The following CYP17A1 variants were observed in gnomAD, a reference collection of about 807,000 sequenced individuals.
CYP17A1 encodes cytochrome P450 family 17 subfamily A member 1.
Under a neutral mutation model 38.5 loss-of-function variants are expected in CYP17A1, and 27 were observed. The ratio of observed to expected loss-of-function variants is 0.70; its 90% CI spans 0.52 to 0.97. The LOEUF (loss-of-function observed/expected upper bound fraction) is 0.97, where lower values mean the gene tolerates loss of function less well. Among genes scored for constraint, CYP17A1 ranks in the 50% least tolerant of loss-of-function variants. CYP17A1 has a pLI of 0.00. For synonymous variants in CYP17A1, 263 were observed against 253.3 expected (o/e 1.04, Z -0.36); for missense variants, 549 against 645.9 (o/e 0.85, Z 1.63).
chr10:102,830,894 C>T lies in CYP17A1; in HGVS notation c.1335G>A (p.Glu445=). 6.3e-7 allele frequency: 1 copy of T among 1,581,530 alleles called. No individual in the cohort carries two copies. Among genetic ancestry groups the T allele is most frequent in the African/African-American group, 1.3e-5 (1 of 74,314 alleles). ...GGAAGAGCTCCTGGCGGGCCAGGATCTCACCTATACAGGAGCGAGGTCCTG... is the reference window on the plus strand; with the variant it reads ...GGAAGAGCTCCTGGCGGGCCAGGATTTCACCTATACAGGAGCGAGGTCCTG... ...FGAGPRSCIG[E]ILARQELFLI... The change falls in exon 8 of 8, where the codon GAG becomes GAA. Residue 445 remains glutamate (E), a synonymous_variant. Coordinates refer to ENST00000369887, the MANE Select transcript of CYP17A1 (RefSeq NM_000102.4). The surrounding 1 kb of genome is among the most constrained non-coding windows in gnomAD (Gnocchi z 4.1).
At chr10:102,834,288 TATCA>T (rs1259374470) in intron 3 of CYP17A1, 166 bp from the exon 4 acceptor site, 4 of 651,758 alleles carry the variant, frequency 6.1e-6, no homozygotes, top group Non-Finnish European at 1.1e-5. Context: ...AGAACGGGTT[TATCA>T]TGACGACGAA....
chr10:102,830,541 A>G lies in CYP17A1; in HGVS notation c.*161T>C. 1.6e-6 allele frequency: 1 copy of G among 606,956 alleles called. No individual in the cohort carries two copies. The highest frequency in any genetic ancestry group is 2.9e-6 in the Non-Finnish European group (1 of 341,126). 37.6% of individuals were successfully genotyped at this position (606,956 alleles called of 1,614,324 possible). A position where few individuals can be genotyped will look rare whatever the true frequency, so the allele number is the denominator to read the frequency against. On this transcript the variant is annotated 3_prime_UTR_variant, in exon 8 of 8. Coordinates refer to ENST00000369887, the MANE Select transcript of CYP17A1 (RefSeq NM_000102.4). The surrounding 1 kb of genome is among the most constrained non-coding windows in gnomAD (Gnocchi z 4.1). ...AACTACTCAGGGACCTTATGGAAAA[A>G]AAAAAACTGTTTATGCACATCACTG...
At chr10:102,833,377 T>C (rs1275736075) in intron 4 of CYP17A1, 169 bp from the exon 5 acceptor site, 3 of 1,363,968 alleles carry the variant, frequency 2.2e-6, no homozygotes, top group Non-Finnish European at 9.9e-7. Context: ...CCCCGGGCCC[T>C]CTTTAAATTT....
intron 4 of CYP17A1, chr10:102,833,673 C>T: frequency 3.5e-6 from 1 of 286,874 alleles, no homozygotes; most frequent in South Asian, 3.8e-5. Flanking sequence ...TCAGGCTGGT[C>T]TCGAACTCCC....
intron 6 of CYP17A1, 101 bp downstream of exon 6, chr10:102,832,410 T>C (rs1844102557): frequency 3.7e-6 from 3 of 807,272 alleles, no homozygotes; most frequent in Non-Finnish European, 4.4e-6. Context: ...TGACTGACTT[T>C]AGGTTGGCCA....
At chr10:102,835,213 T>C (rs1315458451) in intron 2 of CYP17A1, 41 bp downstream of exon 2, 1 of 1,579,928 alleles carries the variant, frequency 6.3e-7, no homozygotes, top group Non-Finnish European at 8.7e-7. Context: ...GCAGCTCCTG[T>C]GGGATCCAGC....
chr10:102,835,640 G>A lies in CYP17A1; in HGVS notation c.298-248C>T, dbSNP rs201386446. On this transcript the variant is annotated intron_variant, in intron 1 of 7. Transcript: ENST00000369887. The stretch of plus-strand genomic sequence containing the variant: ...AGGAGAAAGAAAGAACCCTTAATTA[G>A]AATGCAGCAGCATTGGGGTTCTTTT... The A allele has an allele frequency of 2.0e-5, 11 of 540,856 alleles. No homozygotes were observed. In the East Asian group the frequency reaches 3.6e-4, roughly 18 times the overall value. The allele number at this position is 540,856 out of a possible 1,614,324, so 33.5% of individuals were successfully genotyped here.
In CYP17A1 at chr10:102,835,071, T is replaced by C. The variant is rs45583734; in HGVS notation, c.437-57A>G. On this transcript the variant is annotated intron_variant, in intron 2 of 7. Transcript: ENST00000369887. ...TGAATCAGCACCCTTACCCCCTCTC[T>C]GTACCAGTTGCCTCTTAACAGGAGC... The C allele has an allele frequency of 9.7e-4, 1,161 of 1,194,462 alleles. 6 individuals are homozygous for C. The African/African-American group carries it at 0.014, about 15-fold the overall frequency. The allele number at this position is 1,194,462 out of a possible 1,614,324, so 74.0% of individuals were successfully genotyped here. A position where few individuals can be genotyped will look rare whatever the true frequency, so the allele number is the denominator to read the frequency against.
At position 102,833,343 on chromosome 10, in the gene CYP17A1, C is replaced by T. The variant is rs552612370; in HGVS notation, c.754-135G>A. On this transcript the variant is annotated intron_variant, in intron 4 of 7. Coordinates refer to ENST00000369887, the MANE Select transcript of CYP17A1 (RefSeq NM_000102.4). ...GTAGAGCAAGTCTGGGCAGGACCTA[C>T]GAACTTGTGGAGGTAGGAGGCAGCC... 38 of 1,544,108 alleles carry T rather than the reference C, an allele frequency of 2.5e-5. No homozygotes were observed. The East Asian group carries it at 5.9e-4, about 24-fold the overall frequency.
At chr10:102,836,807 G>A in intron 1 of CYP17A1, 1 of 539,176 alleles carries the variant, frequency 1.9e-6, no homozygotes, top group Non-Finnish European at 3.3e-6. Context: ...AGGATTCCTT[G>A]ACCCCTCAGA....
At chr10:102,833,402 G>A (rs991987503) in intron 4 of CYP17A1, 194 bp from the exon 5 acceptor site, 2 of 1,024,692 alleles carry the variant, frequency 2.0e-6, no homozygotes, top group South Asian at 1.6e-5. Flanking sequence ...GAGAGGTTAG[G>A]TCTCTTCTAG....
In CYP17A1 at chr10:102,835,347, C is replaced by T. The variant is rs1278456429; in HGVS notation, c.343G>A (p.Ala115Thr). 10 of 1,612,114 alleles carry T rather than the reference C, an allele frequency of 6.2e-6. No individual in the cohort carries two copies. The East Asian group carries it at 6.7e-5, about 11-fold the overall frequency. ...AGCTGCCAGTGTGCGCCAGAGTCAG[C>T]GAAGGCGATACCCTTACGGTTGTTG... Reference protein sequence around the residue: ...ASNNRKGIAFADSGAHWQLHR... With the variant: ...ASNNRKGIAFTDSGAHWQLHR... Residue 115 changes from alanine to threonine, a missense_variant, in exon 2 of 8, where the codon GCT becomes ACT. This residue lies in a region of CYP17A1 where 289 missense variants were observed against 320.9 expected (regional missense o/e 0.90). Coordinates refer to ENST00000369887, the MANE Select transcript of CYP17A1 (RefSeq NM_000102.4).
At chr10:102,835,061 A>G (rs1253624187) in intron 2 of CYP17A1, 47 bp from the exon 3 acceptor site, 2 of 1,255,706 alleles carry the variant, frequency 1.6e-6, no homozygotes, top group Non-Finnish European at 2.3e-6. Context: ...CAGCACCCTT[A>G]CCCCCTCTCT....
At position 102,836,804 on chromosome 10, in the gene CYP17A1, C is replaced by A. The variant is rs2134085241; in HGVS notation, c.297+261G>T. ...AGAGAGAGGAGTGGAGTGAGGATTC[C>A]TTGACCCCTCAGACCACTGTGGTCC... On this transcript the variant is annotated intron_variant, in intron 1 of 7. Transcript: ENST00000369887. 3 of 536,070 alleles carry A rather than the reference C, an allele frequency of 5.6e-6. No individual in the cohort carries two copies. In the South Asian group the frequency reaches 6.0e-5, roughly 11 times the overall value. 33.2% of individuals were successfully genotyped at this position (536,070 alleles called of 1,614,324 possible).
chr10:102,831,054 T>C (rs1480128163), intron 7 of CYP17A1, 69 bp from the exon 8 acceptor site: 2 of 1,073,626 alleles, frequency 1.9e-6, no homozygotes, highest in Non-Finnish European at 1.4e-6. Flanking sequence ...TCTGCCCTGG[T>C]TGAGGGGGAG....
In CYP17A1 at chr10:102,830,954, G is replaced by A; in HGVS notation, c.1275C>T (p.Leu425=). The A allele has an allele frequency of 1.3e-6, 2 of 1,578,656 alleles. No homozygotes were observed. Among genetic ancestry groups the A allele is most frequent in the South Asian group, 1.2e-5 (1 of 86,718 alleles). Residue 425 remains leucine, a synonymous_variant, in exon 8 of 8, where the codon CTC becomes CTT. Coordinates refer to ENST00000369887, the MANE Select transcript of CYP17A1 (RefSeq NM_000102.4). The surrounding 1 kb of genome is among the most constrained non-coding windows in gnomAD (Gnocchi z 4.1). The part of the protein sequence containing the change: ...ERFLNPAGTQ[L]ISPSVSYLPF... Reference sequence around the variant, plus strand: ...GCAAATAGCTTACTGACGGTGAGATGAGCTGGGTCCCCGCTGGATTCAAGA... The same window carrying A: ...GCAAATAGCTTACTGACGGTGAGATAAGCTGGGTCCCCGCTGGATTCAAGA...
In CYP17A1 at chr10:102,831,702, G is replaced by A. The variant is rs1262557103; in HGVS notation, c.1140-91C>T. 42 of 1,574,110 alleles carry A rather than the reference G, an allele frequency of 2.7e-5. No homozygotes were observed. The Admixed American group carries it at 3.4e-4, about 13-fold the overall frequency. On this transcript the variant is annotated intron_variant, in intron 6 of 7. Coordinates refer to ENST00000369887, the MANE Select transcript of CYP17A1 (RefSeq NM_000102.4). Reference sequence around the variant, plus strand: ...TGCCCCCTCATTCTTCCGCCGTGAGGAAAATGCCCTTTACTCCCTCATTCC... The same window carrying A: ...TGCCCCCTCATTCTTCCGCCGTGAGAAAAATGCCCTTTACTCCCTCATTCC...
chr10:102,836,267 G>A (rs1844160248), intron 1 of CYP17A1, among the ~76,000 whole-genome samples: 1 of 151,910 alleles, frequency 6.6e-6, no homozygotes. Context: ...GACCATCCTG[G>A]CTAACATGGT....
At position 102,837,217 on chromosome 10, in the gene CYP17A1, T is replaced by C. The variant is rs1844175113; in HGVS notation, c.145A>G (p.Met49Val). 6.2e-7 allele frequency: 1 copy of C among 1,609,210 alleles called. No individual in the cohort carries two copies. Among genetic ancestry groups the C allele is most frequent in the Non-Finnish European group, 8.5e-7 (1 of 1,175,510 alleles). ...TGCAGCTTGAAGAAGTTGTTATGCA[T>C]ATGGCCGTGTCTGGGGAGGAATGGC... ...SLPFLPRHGH[M>V]HNNFFKLQKK... Residue 49 changes from methionine to valine, a missense_variant, in exon 1 of 8, where the codon ATG becomes GTG. Met to Val is a conservative substitution (Grantham distance 21, BLOSUM62 1). Coordinates refer to ENST00000369887, the MANE Select transcript of CYP17A1 (RefSeq NM_000102.4).
Sources: gnomAD v4.1 joint callset for allele counts (sites outside exome capture counted in the v4.1 genomes callset) on GRCh38, gnomAD v4.1.1 for gene constraint, gnomAD v4.1.1 regional missense constraint, Gnocchi (gnomAD v3.1) non-coding constraint, MANE v1.5 for transcripts, NCBI Gene and HGNC (gene_info 2026-07-23, HGNC 2026-07-21) for gene names.